Variants in KAZN observed in about 807,000 individuals in gnomAD.
The protein encoded by KAZN is kazrin.
A neutral mutation model predicts 87.4 loss-of-function variants in KAZN; 40 were observed. That is an observed-to-expected ratio of 0.46 (90% confidence interval 0.36 to 0.60). KAZN has a LOEUF of 0.60. Ranked by LOEUF, KAZN falls within the 20% of genes least tolerant of loss-of-function variation. KAZN has a pLI of 0.00. For missense variants in KAZN, 898 were observed against 1,073.9 expected, an observed-to-expected ratio of 0.84 and a Z score of 2.29; for synonymous variants, 466 against 458.3, an observed-to-expected ratio of 1.02 and a Z score of -0.22.
chr1:14,392,853 C>A (rs1662572511), intron 2 of KAZN, among the ~76,000 whole-genome samples: 1 of 152,098 alleles, frequency 6.6e-6, no homozygotes, highest in African/African-American at 2.4e-5. Flanking sequence ...CTAATGGCGA[C>A]CAGACCAGGC....
intron 2 of KAZN, among the ~76,000 whole-genome samples, chr1:14,373,232 CATATA>C (rs1557671364): frequency 7.0e-6 from 1 of 143,350 alleles, no homozygotes; most frequent in Non-Finnish European, 1.5e-5. Context: ...TATATGCACA[CATATA>C]ATTATAAGGA....
chr1:14,765,746 G>A (rs982869047), intron 1 of KAZN, among the ~76,000 whole-genome samples: 1 of 152,152 alleles, frequency 6.6e-6, no homozygotes, highest in Non-Finnish European at 1.5e-5. Context: ...ACCTGTTAGA[G>A]GAATGGGCTG....
intron 1 of KAZN, among the ~76,000 whole-genome samples, chr1:14,019,162 G>A (rs756449645): frequency 1.1e-4 from 16 of 152,172 alleles, no homozygotes; most frequent in Non-Finnish European, 1.6e-4. Flanking sequence ...GAAACGACTT[G>A]TTTTGTGTAA....
chr1:14,544,949 TC>T (rs1673050258), intron 2 of KAZN, among the ~76,000 whole-genome samples: 1 of 151,972 alleles, frequency 6.6e-6, no homozygotes, highest in African/African-American at 2.4e-5. Flanking sequence ...TCTGTGAGTC[TC>T]CCTCCCACCA....
intron 2 of KAZN, among the ~76,000 whole-genome samples, chr1:14,475,469 C>A (rs181603940): frequency 2.6e-5 from 4 of 152,316 alleles, no homozygotes; most frequent in Admixed American, 2.6e-4. Context: ...TCTTGTGTAT[C>A]GATTTGCAAC....
Position 14,960,710 on chromosome 1 carries a change from C to G in KAZN, c.253C>G (p.Leu85Val). Residue 85 changes from leucine to valine, a missense_variant, in exon 2 of 15, where the codon CTC (leucine) becomes GTC (valine). Coordinates refer to ENST00000376030, the MANE Select transcript of KAZN (RefSeq NM_201628.3). ...QVLLREEVSR[L>V]QEEVHLLRQM... is the part of the protein sequence containing the mutation. ...GCTCCTGCGGGAAGAAGTGTCGCGG[C>G]TCCAGGAGGAAGTTCACCTTCTCCG... 6.3e-7 allele frequency: 1 copy of G among 1,576,924 alleles called. No homozygotes were observed. The highest frequency in any genetic ancestry group is 8.6e-7 in the Non-Finnish European group (1 of 1,160,096).
At chr1:14,382,008 A>C (rs1345313825) in intron 2 of KAZN, among the ~76,000 whole-genome samples, 1 of 152,248 alleles carries the variant, frequency 6.6e-6, no homozygotes. Flanking sequence ...AGATACAAAA[A>C]TCAGTAGCAC....
At chr1:14,966,048 C>G (rs12045828) in intron 2 of KAZN, among the ~76,000 whole-genome samples, 1 of 145,420 alleles carries the variant, frequency 6.9e-6, no homozygotes, top group African/African-American at 2.6e-5. Context: ...GGCGTGACCT[C>G]GGCTCACTGC....
intron 1 of KAZN, among the ~76,000 whole-genome samples, chr1:14,059,748 A>T (rs1375352534): frequency 1.3e-5 from 2 of 152,224 alleles, no homozygotes; most frequent in African/African-American, 4.8e-5. Flanking sequence ...GATGCAAGGA[A>T]CTCAGAAAAG....
intron 1 of KAZN, among the ~76,000 whole-genome samples, chr1:14,095,673 A>G (rs912679707): frequency 2.0e-5 from 3 of 152,130 alleles, no homozygotes; most frequent in South Asian, 4.1e-4. Context: ...GGGAGTGTCA[A>G]CTGAGGCCAC....
At chr1:14,610,838 C>G (rs1450330249) in intron 1 of KAZN, among the ~76,000 whole-genome samples, 6 of 152,204 alleles carry the variant, frequency 3.9e-5, no homozygotes, top group African/African-American at 1.4e-4. Flanking sequence ...CTCTTTTTCA[C>G]TATCCCTTTA....
intron 2 of KAZN, among the ~76,000 whole-genome samples, chr1:14,536,295 G>T (rs796123353): frequency 6.6e-6 from 1 of 152,202 alleles, no homozygotes. Context: ...GGGAAAGAAG[G>T]GGTCTGCCCG....
At chr1:14,970,504 A>C (rs1386863876) in intron 2 of KAZN, among the ~76,000 whole-genome samples, 1 of 152,142 alleles carries the variant, frequency 6.6e-6, no homozygotes. Flanking sequence ...TTTGCTTTTT[A>C]TGCAGTAATT....
In KAZN at chr1:14,142,023, C is replaced by T. The variant is rs535455772; in HGVS notation, c.92-38412C>T. 4.0e-5 allele frequency among the ~76,000 whole-genome samples: 6 copies of T among 151,584 alleles called. No homozygotes were observed. The East Asian group carries it at 5.8e-4, about 15-fold the overall frequency. Reference sequence around the variant, plus strand: ...AAGAGTACATTTTTGATGGGAAATCCGTGTAAGTTTATTTATCTACTGTAG... The same window carrying T: ...AAGAGTACATTTTTGATGGGAAATCTGTGTAAGTTTATTTATCTACTGTAG... On this transcript the variant is annotated intron_variant, in intron 1 of 16. Transcript: ENST00000636203.
intron 2 of KAZN, among the ~76,000 whole-genome samples, chr1:14,291,783 A>T (rs11590112): frequency 0.37 from 55,484 of 152,004 alleles, 10,726 homozygotes; most frequent in Middle Eastern, 0.54. Context: ...CACTGGGAGC[A>T]GCAGACCAGA....
intron 2 of KAZN, among the ~76,000 whole-genome samples, chr1:14,581,278 T>C (rs920867429): frequency 2.6e-5 from 4 of 152,198 alleles, no homozygotes; most frequent in Non-Finnish European, 5.9e-5. Context: ...GTTTCATTCT[T>C]CCACTTGCTT....
At chr1:14,890,839 A>AGTTT (rs1654630602) in intron 1 of KAZN, among the ~76,000 whole-genome samples, 1 of 42,226 alleles carries the variant, frequency 2.4e-5, no homozygotes, top group African/African-American at 7.8e-5. Context: ...AGGAATCTGG[A>AGTTT]CTTTTTTTTT....
intron 2 of KAZN, among the ~76,000 whole-genome samples, chr1:15,009,295 G>A (rs1018144281): frequency 6.6e-6 from 1 of 152,208 alleles, no homozygotes; most frequent in African/African-American, 2.4e-5. Flanking sequence ...TTCCCCTCCC[G>A]CACCCAGAAT....
chr1:14,580,659 A>G (rs1675493532), intron 2 of KAZN, among the ~76,000 whole-genome samples: 1 of 152,226 alleles, frequency 6.6e-6, no homozygotes, highest in East Asian at 1.9e-4. Context: ...AGGGACTAAC[A>G]TTTAATGGAC....
Sources: allele counts gnomAD v4.1 joint callset (sites outside exome capture counted in the v4.1 genomes callset), GRCh38; gene constraint gnomAD v4.1.1; transcripts MANE v1.5; gene names NCBI Gene and HGNC (gene_info 2026-07-23, HGNC 2026-07-21).